PCGF6: variants seen among roughly 807,000 people sequenced by gnomAD.
The protein encoded by PCGF6 is polycomb group ring finger 6.
Under a neutral mutation model 45.5 loss-of-function variants are expected in PCGF6, and 24 were observed. That is an observed-to-expected ratio of 0.53 (90% CI 0.38 to 0.74). PCGF6 has a LOEUF of 0.74. Among genes scored for constraint, PCGF6 ranks in the 30% least tolerant of loss-of-function variants. The probability of loss-of-function intolerance (pLI) is 0.00; values close to 1 mark genes in which losing one functional copy is unlikely to be tolerated. For missense variants in PCGF6, 356 were observed against 443.2 expected (o/e 0.80, Z 1.77); for synonymous variants, 152 against 162.1 (o/e 0.94, Z 0.47).
intron 6 of PCGF6, among the ~76,000 whole-genome samples, chr10:103,339,835 A>T (rs2093273353): frequency 7.3e-6 from 1 of 137,186 alleles, no homozygotes; most frequent in Non-Finnish European, 1.6e-5. Context: ...ACACACACAC[A>T]CACACACACA....
intron 6 of PCGF6, among the ~76,000 whole-genome samples, chr10:103,343,377 G>C (rs144683689): frequency 6.6e-6 from 1 of 151,976 alleles, no homozygotes; most frequent in East Asian, 1.9e-4. Context: ...GATACAACAT[G>C]AGAAATCTAG....
intron 9 of PCGF6, among the ~76,000 whole-genome samples, chr10:103,310,504 T>C (rs1279715422): frequency 6.6e-6 from 1 of 152,108 alleles, no homozygotes; most frequent in East Asian, 1.9e-4. Context: ...ATTATGCACA[T>C]ATAACTATGC....
chr10:103,312,850 A>G (rs1049285252), intron 9 of PCGF6, among the ~76,000 whole-genome samples: 2 of 152,038 alleles, frequency 1.3e-5, no homozygotes, highest in Admixed American at 1.3e-4. Flanking sequence ...AAACCCAGCT[A>G]CTCGGGAGGC....
chr10:103,343,005 T>C (rs1432494333), intron 6 of PCGF6, among the ~76,000 whole-genome samples: 1 of 152,102 alleles, frequency 6.6e-6, no homozygotes, highest in Non-Finnish European at 1.5e-5. Context: ...CTCGGCTCAC[T>C]GCAAGCTCTG....
Position 103,337,836 on chromosome 10 carries a change from G to A in PCGF6, c.783-3884C>T, listed in dbSNP as rs1273498171. 3.1e-5 allele frequency among the ~76,000 whole-genome samples: 2 copies of A among 64,408 alleles called. 1 individual carries two copies. Among genetic ancestry groups the A allele is most frequent in the Non-Finnish European group, 6.8e-5 (2 of 29,366 alleles). The allele number at this position is 64,408 out of a possible 152,430, so 42.3% of individuals were successfully genotyped here. On this transcript the variant is annotated intron_variant, in intron 6 of 9. Transcript: ENST00000369847. ...TCCCAGCACTTTGGGAGGCCGAGGCGGGCGGATCACGAGGTCAGGAGATCG... is the reference window on the plus strand; with the variant it reads ...TCCCAGCACTTTGGGAGGCCGAGGCAGGCGGATCACGAGGTCAGGAGATCG...
intron 6 of PCGF6, among the ~76,000 whole-genome samples, chr10:103,343,053 C>T (rs1345639113): frequency 3.9e-5 from 6 of 151,926 alleles, no homozygotes; most frequent in Non-Finnish European, 7.4e-5. Context: ...CTCAGCCTCC[C>T]GAGTAGCTGG....
At chr10:103,321,537 C>A (rs958049903) in intron 8 of PCGF6, among the ~76,000 whole-genome samples, 4 of 151,908 alleles carry the variant, frequency 2.6e-5, no homozygotes, top group African/African-American at 9.7e-5. Context: ...ATGGTGAAAC[C>A]CTGTCTCTAC....
At chr10:103,332,102 C>CT (rs2093242213) in intron 7 of PCGF6, among the ~76,000 whole-genome samples, 1 of 151,980 alleles carries the variant, frequency 6.6e-6, no homozygotes, top group African/African-American at 2.4e-5. Flanking sequence ...TAATACATCT[C>CT]TGTGTCCCCT....
intron 1 of PCGF6, among the ~76,000 whole-genome samples, chr10:103,349,553 TCA>T (rs770508818): frequency 7.4e-6 from 1 of 134,432 alleles, no homozygotes; most frequent in Non-Finnish European, 1.5e-5. Flanking sequence ...AGATCTCGGC[TCA>T]CTGCAACCTC....
chr10:103,344,009 G>A (rs997410983), intron 6 of PCGF6, among the ~76,000 whole-genome samples: 1 of 151,702 alleles, frequency 6.6e-6, no homozygotes, highest in Admixed American at 6.6e-5. Context: ...ACAGCAACAA[G>A]TAAATAAACC....
chr10:103,339,810 A>AAAAACAC (rs1554865094), intron 6 of PCGF6, among the ~76,000 whole-genome samples: 29 of 32,216 alleles, frequency 9.0e-4, no homozygotes, highest in Non-Finnish European at 1.5e-3. Context: ...TCAAAAAAAA[A>AAAAACAC]ACACACACAC....
At chr10:103,319,384 C>G (rs2093188266) in intron 8 of PCGF6, among the ~76,000 whole-genome samples, 1 of 152,014 alleles carries the variant, frequency 6.6e-6, no homozygotes, top group South Asian at 2.1e-4. Flanking sequence ...ATCTCTTGAC[C>G]TTGTGATGTG....
chr10:103,321,300 T>TG (rs1387716909), intron 8 of PCGF6, among the ~76,000 whole-genome samples: 1 of 152,148 alleles, frequency 6.6e-6, no homozygotes, highest in Non-Finnish European at 1.5e-5. Flanking sequence ...TTTATATCAT[T>TG]TTATTTCAAA....
rs1379253719 is a variant in PCGF6 at position 103,350,830 on chromosome 10, G to A, written c.237C>T (p.Asp79=). 8 of 1,546,948 alleles carry A rather than the reference G, an allele frequency of 5.2e-6. No individual in the cohort carries two copies. The highest frequency in any genetic ancestry group is 7.0e-6 in the Non-Finnish European group (8 of 1,145,690). Residue 79 remains aspartate (D), a synonymous_variant, in exon 1 of 10, where the codon GAC becomes GAT. Transcript: ENST00000369847. ...SLGRFRGRFE[D]EDEELEEEEE... The stretch of plus-strand genomic sequence containing the variant: ...CTTCTTCTTCCAACTCCTCGTCCTC[G>A]TCCTCGAAGCGGCCTCTGAAGCGGC...
At chr10:103,340,556 G>C (rs891858823) in intron 6 of PCGF6, among the ~76,000 whole-genome samples, 1 of 151,780 alleles carries the variant, frequency 6.6e-6, no homozygotes. Flanking sequence ...GTGGATCCAA[G>C]TTCCTGCTGT....
intron 6 of PCGF6, among the ~76,000 whole-genome samples, chr10:103,335,596 C>T (rs1248540933): frequency 1.1e-4 from 17 of 151,892 alleles, no homozygotes; most frequent in Admixed American, 7.2e-4. Context: ...CTCTTGATCT[C>T]GTGATCTGCC....
At chr10:103,348,178 CTGAG>C (rs1277046362) in intron 3 of PCGF6, among the ~76,000 whole-genome samples, 1 of 152,122 alleles carries the variant, frequency 6.6e-6, no homozygotes, top group Non-Finnish European at 1.5e-5. Context: ...CCTCATTAAC[CTGAG>C]TAAGTGATGG....
At chr10:103,339,813 ACACACACACACACACAC>A (rs2093273134) in intron 6 of PCGF6, among the ~76,000 whole-genome samples, 24 of 16,918 alleles carry the variant, frequency 1.4e-3, no homozygotes, top group Admixed American at 4.8e-3. Flanking sequence ...AAAAAAAAAC[ACACACACACACACACAC>A]ACACACACAC....
chr10:103,343,392 T>C (rs1478517995), intron 6 of PCGF6, among the ~76,000 whole-genome samples: 1 of 151,966 alleles, frequency 6.6e-6, no homozygotes, highest in Non-Finnish European at 1.5e-5. Context: ...ATCTAGATTT[T>C]TTCCAAGAAA....
Sources: gnomAD v4.1 joint callset for allele counts (sites outside exome capture counted in the v4.1 genomes callset) on GRCh38, gnomAD v4.1.1 for gene constraint, MANE v1.5 for transcripts, NCBI Gene and HGNC (gene_info 2026-07-23, HGNC 2026-07-21) for gene names.